Variants in RP1L1 observed in about 807,000 individuals in gnomAD.
RP1L1 encodes the protein retinitis pigmentosa 1-like 1 protein.
Under a neutral mutation model 15.7 loss-of-function variants are expected in RP1L1, and 27 were observed. The observed-to-expected ratio is 1.72, with a 90% CI of 1.27 to 2.38. RP1L1 has a LOEUF of 2.38. Among genes scored for constraint, RP1L1 ranks in the 30% most tolerant of loss-of-function variants. The probability of loss-of-function intolerance (pLI) is 0.00; values close to 1 mark genes in which losing one functional copy is unlikely to be tolerated. For synonymous variants in RP1L1, 1,813 were observed against 1,276.7 expected (o/e 1.42, Z -8.96); for missense variants, 4,798 against 3,075.9 (o/e 1.56, Z -13.24).
Position 10,612,622 on chromosome 8 carries a change from C to T in RP1L1, c.1476G>A (p.Glu492=). The change falls in exon 4 of 4, where the codon GAG becomes GAA. Residue 492 remains glutamate (E), a synonymous_variant. Transcript: ENST00000382483. ...CACCCAGGCTCCCTCCAGCTTTCCG[C>T]TCAGCCCCTATCTGGGCAGAGGGGC... The part of the protein sequence containing the change: ...SASPSAQIGA[E]RKAGGSLGED... 1 of 1,602,414 alleles carries T rather than the reference C, an allele frequency of 6.2e-7. No individual in the cohort carries two copies. The highest frequency in any genetic ancestry group is 1.1e-5 in the South Asian group (1 of 91,020).
chr8:10,630,762 C>T (rs963254684), intron 1 of RP1L1, among the ~76,000 whole-genome samples: 3 of 152,236 alleles, frequency 2.0e-5, no homozygotes, highest in Admixed American at 2.0e-4. Flanking sequence ...TTAAAAAGCT[C>T]TCCAGGTGAT....
chr8:10,642,101 A>G (rs1275772381), intron 1 of RP1L1, among the ~76,000 whole-genome samples: 1 of 152,216 alleles, frequency 6.6e-6, no homozygotes, highest in Non-Finnish European at 1.5e-5. Flanking sequence ...GGTGAAGACT[A>G]TACAGGTGAT....
chr8:10,651,706 G>A (rs975679001), intron 1 of RP1L1, among the ~76,000 whole-genome samples: 4 of 148,786 alleles, frequency 2.7e-5, no homozygotes, highest in South Asian at 2.1e-4. Flanking sequence ...GCAGTGAGCC[G>A]AGATCACGCC....
chr8:10,635,370 A>C lies in RP1L1; in HGVS notation c.-19-12150T>G, dbSNP rs186496150. ...GCTAATCCCTGGTCTTCTTCACCCT[A>C]CCATGCCGGGTTATTCCCAGCGCAC... On this transcript the variant is annotated intron_variant, in intron 1 of 3. Transcript: ENST00000382483. Among the ~76,000 whole-genome samples, 10 of 152,146 alleles carry C rather than the reference A, an allele frequency of 6.6e-5. No individual in the cohort carries two copies. In the East Asian group the frequency reaches 1.9e-3, roughly 30 times the overall value.
rs756082564 is a variant in RP1L1 at position 10,609,469 on chromosome 8, T to C, written c.4629A>G (p.Ala1543=). Residue 1543 remains alanine, a synonymous_variant, in exon 4 of 4, where the codon GCA becomes GCG. Transcript: ENST00000382483. ...HLASAVAELR[A]RWGLQDNDLL... Reference sequence around the variant, plus strand: ...GATCATTGTCCTGCAGGCCCCAGCGTGCTCGGAGCTCAGCCACCGCACTGG... The same window carrying C: ...GATCATTGTCCTGCAGGCCCCAGCGCGCTCGGAGCTCAGCCACCGCACTGG... 3.2e-5 allele frequency: 51 copies of C among 1,612,084 alleles called. No individual in the cohort carries two copies. The South Asian group carries it at 4.9e-4, about 16-fold the overall frequency.
In RP1L1 at chr8:10,612,038, G is replaced by C. The variant is rs775767928; in HGVS notation, c.2060C>G (p.Pro687Arg). Residue 687 changes from proline (P) to arginine (R), a missense_variant, in exon 4 of 4, where the codon CCG becomes CGG. Pro to Arg is a moderately radical substitution (Grantham distance 103). Transcript: ENST00000382483. ...PLDSSVTKQV[P>R]RPPERRRACQ... ...GGCCCTTCGCCGCTCAGGAGGCCTC[G>C]GCACTTGCTTGGTTACAGAGGAGTC... The C allele has an allele frequency of 2.5e-6, 4 of 1,613,888 alleles. No individual in the cohort carries two copies. Among genetic ancestry groups the C allele is most frequent in the Admixed American group, 3.3e-5 (2 of 60,038 alleles).
At chr8:10,613,604 A>C (rs1455775718) in intron 3 of RP1L1, among the ~76,000 whole-genome samples, 5 of 134,240 alleles carry the variant, frequency 3.7e-5, no homozygotes, top group East Asian at 2.0e-4. Context: ...TCTCTCCAAA[A>C]AAAAAAAAAA....
chr8:10,638,738 G>A (rs533300022), intron 1 of RP1L1, among the ~76,000 whole-genome samples: 19 of 152,278 alleles, frequency 1.2e-4, no homozygotes, highest in African/African-American at 4.6e-4. Context: ...GGACAAACAA[G>A]GGGGCTCTCC....
At chr8:10,648,255 C>T (rs1312136433) in intron 1 of RP1L1, among the ~76,000 whole-genome samples, 1 of 152,184 alleles carries the variant, frequency 6.6e-6, no homozygotes, top group Non-Finnish European at 1.5e-5. Flanking sequence ...TGGTCTCGAA[C>T]TCCTGACCTC....
rs1046511299 is a variant in RP1L1, at chr8:10,607,115, G to C, written c.6983C>G (p.Ala2328Gly). ...TGCATGAGGGGTCCCCGTGGACTTG[G>C]CATCAGGGCTCCTTGTGTCTCCAAG... ...HVLGDTRSPD[A>G]KSTGTPHAER... The change falls in exon 4 of 4, where the codon GCC becomes GGC. Residue 2328 changes from alanine to glycine, a missense_variant. Ala to Gly is a moderately conservative substitution (Grantham distance 60). Coordinates refer to ENST00000382483, the MANE Select transcript of RP1L1 (RefSeq NM_178857.6). The C allele has an allele frequency of 3.1e-6, 5 of 1,614,220 alleles. No homozygotes were observed. The highest frequency in any genetic ancestry group is 4.2e-6 in the Non-Finnish European group (5 of 1,180,034).
intron 2 of RP1L1, 146 bp downstream of exon 2, chr8:10,622,447 T>C (rs965315643): frequency 9.8e-7 from 1 of 1,024,646 alleles, no homozygotes; most frequent in Non-Finnish European, 1.5e-6. Flanking sequence ...TTGACTTGAC[T>C]GAGTGTCTCC....
chr8:10,617,111 C>A (rs1281581658), intron 2 of RP1L1, among the ~76,000 whole-genome samples: 1 of 151,996 alleles, frequency 6.6e-6, no homozygotes, highest in Non-Finnish European at 1.5e-5. Context: ...CTGCAGGGAC[C>A]CCTTCCCTTC....
Position 10,608,910 on chromosome 8 carries a change from G to A in RP1L1, c.5188C>T (p.Leu1730=). The stretch of plus-strand genomic sequence containing the variant: ...GGCCCCTGGCTCAGCCCCGGCCCCA[G>A]CCCTCCCTCAGCTCCCTGGACAGTC... ...TRTVQGAEGG[L]GPGLSQGPGV... The change falls in exon 4 of 4, where the codon CTG becomes TTG. Residue 1730 remains leucine (L), a synonymous_variant. Transcript: ENST00000382483. 1 of 1,614,012 alleles carries A rather than the reference G, an allele frequency of 6.2e-7. No homozygotes were observed. Among genetic ancestry groups the A allele is most frequent in the South Asian group, 1.1e-5 (1 of 91,078 alleles).
chr8:10,638,347 T>C (rs555245191), intron 1 of RP1L1, among the ~76,000 whole-genome samples: 2 of 152,082 alleles, frequency 1.3e-5, no homozygotes, highest in South Asian at 4.2e-4. Context: ...AATAGAAACT[T>C]CCCCTGAATG....
chr8:10,611,219 C>T lies in RP1L1; in HGVS notation c.2879G>A (p.Trp960Ter). 6.2e-7 allele frequency: 1 copy of T among 1,613,048 alleles called. No homozygotes were observed. The highest frequency in any genetic ancestry group is 8.5e-7 in the Non-Finnish European group (1 of 1,180,026). The change falls in exon 4 of 4, where the codon TGG becomes TAG. Residue 960 changes from tryptophan (W) to a stop codon, truncating the protein, a stop_gained. Transcript: ENST00000382483. LOFTEE classifies it low-confidence loss of function (END_TRUNC). ...GGGCTCTTCTGGAATGTTGTCCAGC[C>T]ATTCGCGGACCACAGCCTCTGGAGA... ...RSSPEAVVRE[W>*]LDNIPEEPIL...
rs1403263664 is a variant in RP1L1 at position 10,612,350 on chromosome 8, G to C, written c.1748C>G (p.Ser583Cys). 13 of 1,613,156 alleles carry C rather than the reference G, an allele frequency of 8.1e-6. No homozygotes were observed. Among genetic ancestry groups the C allele is most frequent in the Non-Finnish European group, 1.1e-5 (13 of 1,180,034 alleles). The stretch of plus-strand genomic sequence containing the variant: ...TGCCTGCAGGTCGTCACTCCTTAAA[G>C]ATGAAAGACTCAGGGCTGGAGAAGC... The part of the protein sequence containing the change: ...DPASPALSLS[S>C]LRSDDLQAET... The change falls in exon 4 of 4, where the codon TCT (serine) becomes TGT (cysteine). Residue 583 changes from serine to cysteine, a missense_variant. Physicochemically the swap from Ser to Cys is moderately radical, Grantham distance 112. Coordinates refer to ENST00000382483, the MANE Select transcript of RP1L1 (RefSeq NM_178857.6).
rs908134251 is a variant in RP1L1, at chr8:10,646,612, G to A, written c.-20+8286C>T. On this transcript the variant is annotated intron_variant, in intron 1 of 3. Coordinates refer to ENST00000382483, the MANE Select transcript of RP1L1 (RefSeq NM_178857.6). Reference sequence around the variant, plus strand: ...GCCCTCTGGACTCCCTGTCCCCTAGGAAGTGGTGTGGACGGAGGGGACCGA... The same window carrying A: ...GCCCTCTGGACTCCCTGTCCCCTAGAAAGTGGTGTGGACGGAGGGGACCGA... Among the ~76,000 whole-genome samples the A allele has an allele frequency of 2.4e-4, 36 of 152,152 alleles. 1 individual carries two copies. Among genetic ancestry groups the A allele is most frequent in the Non-Finnish European group, 2.2e-4 (15 of 67,992 alleles).
chr8:10,648,383 C>G (rs1230677219), intron 1 of RP1L1, among the ~76,000 whole-genome samples: 4 of 151,978 alleles, frequency 2.6e-5, no homozygotes, highest in African/African-American at 7.3e-5. Flanking sequence ...AGTACCTATT[C>G]TAATGGCTGC....
chr8:10,609,816 G>A lies in RP1L1; in HGVS notation c.4282C>T (p.Gln1428Ter), dbSNP rs1228238548. 1 of 1,614,060 alleles carries A rather than the reference G, an allele frequency of 6.2e-7. No homozygotes were observed. The highest frequency in any genetic ancestry group is 8.5e-7 in the Non-Finnish European group (1 of 1,180,010). The change falls in exon 4 of 4, where the codon CAG becomes TAG. Residue 1428 changes from glutamine to a stop codon, truncating the protein, a stop_gained. Coordinates refer to ENST00000382483, the MANE Select transcript of RP1L1 (RefSeq NM_178857.6). LOFTEE classifies it low-confidence loss of function (END_TRUNC). Reference sequence around the variant, plus strand: ...GAGGCTCTTCCTGCTTCCTCCTCCTGGACTGGGTCATCTTCCTGGGAGCCT... The same window carrying A: ...GAGGCTCTTCCTGCTTCCTCCTCCTAGACTGGGTCATCTTCCTGGGAGCCT... ...GKGSQEDDPV[Q>*]EEEAGRASAS...
Sources: gnomAD v4.1 joint callset for allele counts (sites outside exome capture counted in the v4.1 genomes callset) on GRCh38, gnomAD v4.1.1 for gene constraint, MANE v1.5 for transcripts, NCBI Gene and HGNC (gene_info 2026-07-23, HGNC 2026-07-21) for gene names.